The following CSGALNACT1 variants were observed in gnomAD, a reference collection of about 807,000 sequenced individuals.
CSGALNACT1 encodes chondroitin sulfate N-acetylgalactosaminyltransferase 1, also known as beta4GalNAcT-1.
A neutral mutation model predicts 51.0 loss-of-function variants in CSGALNACT1; 52 were observed. That is an observed-to-expected ratio of 1.02 (90% CI 0.82 to 1.29). The LOEUF is 1.29. CSGALNACT1 is among the 50% of genes most tolerant of loss of function. The pLI, the probability that CSGALNACT1 is intolerant of heterozygous loss-of-function variation, is 0.00. For missense variants in CSGALNACT1, 935 were observed against 679.2 expected, an observed-to-expected ratio of 1.38 and a Z score of -4.19; for synonymous variants, 341 against 254.4, an observed-to-expected ratio of 1.34 and a Z score of -3.24.
At chr8:19,442,199 C>T (rs1230532293) in intron 5 of CSGALNACT1, among the ~76,000 whole-genome samples, 3 of 152,148 alleles carry the variant, frequency 2.0e-5, no homozygotes, top group Non-Finnish European at 4.4e-5. Flanking sequence ...TACCGTTTGA[C>T]CCAGCCATCC....
chr8:19,595,048 G>T (rs528920402), intron 2 of CSGALNACT1, among the ~76,000 whole-genome samples: 3 of 152,272 alleles, frequency 2.0e-5, no homozygotes, highest in African/African-American at 7.2e-5. Context: ...CATCAATTCT[G>T]TTGGACATTC....
intron 3 of CSGALNACT1, among the ~76,000 whole-genome samples, chr8:19,509,942 T>C (rs941644829): frequency 6.6e-6 from 1 of 152,082 alleles, no homozygotes; most frequent in African/African-American, 2.4e-5. Flanking sequence ...TTAGACCAGG[T>C]CAATCTCTTG....
At chr8:19,754,065 T>C (rs2065208984) in intron 1 of CSGALNACT1, among the ~76,000 whole-genome samples, 2 of 152,046 alleles carry the variant, frequency 1.3e-5, no homozygotes, top group East Asian at 1.9e-4. Flanking sequence ...TCTCGCTCTG[T>C]TGCCCAGGCT....
chr8:19,437,080 T>C (rs2060494877), intron 6 of CSGALNACT1, among the ~76,000 whole-genome samples: 1 of 152,148 alleles, frequency 6.6e-6, no homozygotes, highest in Non-Finnish European at 1.5e-5. Flanking sequence ...ATAATCTAGT[T>C]GCAGACTTAG....
intron 4 of CSGALNACT1, among the ~76,000 whole-genome samples, chr8:19,487,715 T>G (rs181257424): frequency 6.6e-6 from 1 of 152,026 alleles, no homozygotes; most frequent in Non-Finnish European, 1.5e-5. Flanking sequence ...CAAAAAAGGG[T>G]GTTTCCATAT....
chr8:19,410,374 C>T (rs1372361415), intron 8 of CSGALNACT1, among the ~76,000 whole-genome samples: 1 of 152,168 alleles, frequency 6.6e-6, no homozygotes, highest in Non-Finnish European at 1.5e-5. Context: ...GGACTTTGTT[C>T]CATCCCCGCC....
chr8:19,439,223 T>C (rs191672783), intron 6 of CSGALNACT1, among the ~76,000 whole-genome samples: 2 of 152,384 alleles, frequency 1.3e-5, no homozygotes, highest in East Asian at 3.9e-4. Context: ...CCCCATGCAA[T>C]TGATCAACTA....
At chr8:19,682,775 T>A (rs2060722192), upstream of CSGALNACT1, 1 of 453,878 alleles carries the variant, frequency 2.2e-6, no homozygotes, top group Non-Finnish European at 4.4e-6. Context: ...TGCCCAAGTT[T>A]GAGGTCTGGT....
At chr8:19,489,467 C>G (rs1217682510) in intron 4 of CSGALNACT1, among the ~76,000 whole-genome samples, 4 of 152,178 alleles carry the variant, frequency 2.6e-5, no homozygotes, top group Non-Finnish European at 4.4e-5. Context: ...CTTCTTCCTT[C>G]TGAGGCCAAT....
intron 4 of CSGALNACT1, among the ~76,000 whole-genome samples, chr8:19,493,965 C>CGAAA (rs2074955635): frequency 6.6e-6 from 1 of 151,712 alleles, no homozygotes; most frequent in South Asian, 2.1e-4. Context: ...TGAGAAACTG[C>CGAAA]CAAACTATTT....
At chr8:19,659,613 C>A (rs1184915003) in intron 1 of CSGALNACT1, among the ~76,000 whole-genome samples, 2 of 152,232 alleles carry the variant, frequency 1.3e-5, no homozygotes, top group African/African-American at 4.8e-5. Flanking sequence ...CACGAAAGTG[C>A]TTTTCAACAA....
chr8:19,453,436 G>T (rs1328923748), intron 5 of CSGALNACT1, among the ~76,000 whole-genome samples: 2 of 151,976 alleles, frequency 1.3e-5, no homozygotes, highest in African/African-American at 4.8e-5. Flanking sequence ...AAGACTAAGG[G>T]TGTTAAAAAA....
At chr8:19,656,178 T>G (rs183266204) in intron 1 of CSGALNACT1, among the ~76,000 whole-genome samples, 58 of 152,322 alleles carry the variant, frequency 3.8e-4, no homozygotes, top group Middle Eastern at 3.4e-3. Flanking sequence ...AAGATAGGAT[T>G]GCCTTTTGCT....
chr8:19,638,536 G>C (rs1022978783), intron 1 of CSGALNACT1, among the ~76,000 whole-genome samples: 1 of 152,158 alleles, frequency 6.6e-6, no homozygotes, highest in African/African-American at 2.4e-5. Context: ...GGATGAATCA[G>C]AAAGGGAACA....
chr8:19,654,603 G>A (rs2058099481), intron 1 of CSGALNACT1, among the ~76,000 whole-genome samples: 1 of 152,148 alleles, frequency 6.6e-6, no homozygotes, highest in African/African-American at 2.4e-5. Context: ...GGAGTGCAGT[G>A]TTGTGATGTC....
In CSGALNACT1 at chr8:19,657,425, G is replaced by C. The variant is rs368028277; in HGVS notation, c.-544+25048C>G. Among the ~76,000 whole-genome samples, 5 of 152,200 alleles carry C rather than the reference G, an allele frequency of 3.3e-5. No homozygotes were observed. In the East Asian group the frequency reaches 5.8e-4, roughly 18 times the overall value. ...TAATGGTTGGATATTTTCTAGAATTGACAAAAAACATCAATCTAAAGTTGC... is the reference window on the plus strand; with the variant it reads ...TAATGGTTGGATATTTTCTAGAATTCACAAAAAACATCAATCTAAAGTTGC... On this transcript the variant is annotated intron_variant, in intron 1 of 9. Coordinates refer to the CSGALNACT1 transcript ENST00000332246.
intron 1 of CSGALNACT1, among the ~76,000 whole-genome samples, chr8:19,755,472 A>AAAAAAAAAAG (rs2065306354): frequency 6.7e-6 from 1 of 150,156 alleles, no homozygotes; most frequent in Admixed American, 6.6e-5. Context: ...AAAAAAAAAA[A>AAAAAAAAAAG]AAAAAAAAAG....
At chr8:19,752,226 T>C (rs924813678) in intron 1 of CSGALNACT1, among the ~76,000 whole-genome samples, 2 of 149,328 alleles carry the variant, frequency 1.3e-5, no homozygotes, top group Non-Finnish European at 1.5e-5. Flanking sequence ...ATAAAATATA[T>C]ACACACACAT....
intron 4 of CSGALNACT1, among the ~76,000 whole-genome samples, chr8:19,472,984 T>C (rs2153875294): frequency 1.3e-5 from 2 of 152,338 alleles, no homozygotes; most frequent in Admixed American, 1.3e-4. Context: ...TTACTATTAT[T>C]ATCATGTCAT....
Sources: allele counts gnomAD v4.1 joint callset (sites outside exome capture counted in the v4.1 genomes callset), GRCh38; gene constraint gnomAD v4.1.1; transcripts MANE v1.5; gene names NCBI Gene and HGNC (gene_info 2026-07-23, HGNC 2026-07-21).